MEGF10: variants seen among roughly 807,000 people sequenced by gnomAD.
The protein encoded by MEGF10 is multiple epidermal growth factor-like domains protein 10.
Under a neutral mutation model 147.5 loss-of-function variants are expected in MEGF10, and 86 were observed. The observed-to-expected ratio is 0.58, with a 90% CI of 0.49 to 0.70. The LOEUF (loss-of-function observed/expected upper bound fraction) is 0.70. Ranked by LOEUF, MEGF10 falls within the 30% of genes least tolerant of loss-of-function variation. The pLI is 0.00. For synonymous variants in MEGF10, 478 were observed against 525.5 expected, an observed-to-expected ratio of 0.91 and a Z score of 1.24; for missense variants, 1,329 against 1,487.3, an observed-to-expected ratio of 0.89 and a Z score of 1.75.
chr5:127,421,471 A>G (rs1765000217), intron 12 of MEGF10, among the ~76,000 whole-genome samples: 1 of 152,120 alleles, frequency 6.6e-6, no homozygotes, highest in East Asian at 1.9e-4. Context: ...TGGTGTTGGG[A>G]AGGCTTGTAG....
chr5:127,310,025 T>TTC (rs1760214005), intron 1 of MEGF10, among the ~76,000 whole-genome samples: 1 of 31,082 alleles, frequency 3.2e-5, no homozygotes, highest in African/African-American at 1.0e-4. Flanking sequence ...TTTTTTTCTT[T>TTC]CTTTCTTTCC....
At chr5:127,295,000 G>A (rs186949903) in intron 1 of MEGF10, among the ~76,000 whole-genome samples, 35 of 152,094 alleles carry the variant, frequency 2.3e-4, no homozygotes, top group African/African-American at 7.7e-4. Flanking sequence ...TTGGAATGAC[G>A]TGTCAGAGCA....
At chr5:127,446,574 T>C (rs1243368224) in intron 20 of MEGF10, among the ~76,000 whole-genome samples, 1 of 152,130 alleles carries the variant, frequency 6.6e-6, no homozygotes, top group Non-Finnish European at 1.5e-5. Flanking sequence ...TGAAAAGGAA[T>C]TTGGGGGAAA....
At position 127,454,583 on chromosome 5, in the gene MEGF10, A is replaced by G. The variant is rs1766284145; in HGVS notation, c.2998A>G (p.Arg1000Gly). 1.2e-6 allele frequency: 2 copies of G among 1,609,068 alleles called. No homozygotes were observed. The highest frequency in any genetic ancestry group is 2.7e-5 in the African/African-American group (2 of 74,586). Residue 1000 changes from arginine to glycine, a missense_variant, in exon 23 of 25, where the codon AGA becomes GGA. Physicochemically the swap from Arg to Gly is moderately radical, Grantham distance 125. Coordinates refer to ENST00000503335, the MANE Select transcript of MEGF10 (RefSeq NM_001256545.2). The part of the protein sequence containing the change: ...LNELGAFGLD[R>G]SYMGKSLKDL... ...TATTACAGGTGCTTTTGGACTTGACAGAAGCTATATGGGAAAATCCTTAAA... is the reference window on the plus strand; with the variant it reads ...TATTACAGGTGCTTTTGGACTTGACGGAAGCTATATGGGAAAATCCTTAAA...
At chr5:127,427,843 T>G (rs531054770) in intron 13 of MEGF10, among the ~76,000 whole-genome samples, 1 of 152,312 alleles carries the variant, frequency 6.6e-6, no homozygotes, top group East Asian at 1.9e-4. Context: ...TGAGTTTAAT[T>G]AACATGCCTG....
chr5:127,321,381 T>C (rs1025470141), intron 1 of MEGF10, among the ~76,000 whole-genome samples: 3 of 152,082 alleles, frequency 2.0e-5, no homozygotes, highest in South Asian at 4.2e-4. Flanking sequence ...AATTTCTGTA[T>C]CCTGTTAGAG....
intron 4 of MEGF10, among the ~76,000 whole-genome samples, chr5:127,363,334 A>G (rs970150111): frequency 2.6e-5 from 4 of 152,198 alleles, no homozygotes; most frequent in Non-Finnish European, 5.9e-5. Flanking sequence ...ATGTCATGAT[A>G]AGTCTGGAAG....
At position 127,308,909 on chromosome 5, in the gene MEGF10, A is replaced by T. The variant is rs59060560; in HGVS notation, c.-19+17853A>T. Among the ~76,000 whole-genome samples, 7 of 152,264 alleles carry T rather than the reference A, an allele frequency of 4.6e-5. No individual in the cohort carries two copies. The East Asian group carries it at 1.3e-3, about 29-fold the overall frequency. On this transcript the variant is annotated intron_variant, in intron 1 of 24. Transcript: ENST00000503335. ...ATAAAAGTAAAAATACAAAAAAATT[A>T]AAATAAAAGGTTAAGAGAAAGTTAA...
intron 19 of MEGF10, chr5:127,445,254 A>G: frequency 1.7e-6 from 1 of 578,080 alleles, no homozygotes; most frequent in Non-Finnish European, 3.1e-6. Context: ...TGAGGCTTAC[A>G]GCAGCCTTTC....
At chr5:127,261,684 GT>G in the MEGF10 span, among the ~76,000 whole-genome samples, 1 of 152,126 alleles carries the variant, frequency 6.6e-6, no homozygotes, top group East Asian at 1.9e-4. Context: ...TATACTGATT[GT>G]AAAGCAGCTG....
At chr5:127,453,962 C>T (rs759159056) in intron 22 of MEGF10, among the ~76,000 whole-genome samples, 4 of 152,148 alleles carry the variant, frequency 2.6e-5, no homozygotes, top group Non-Finnish European at 4.4e-5. Flanking sequence ...GAAATAAAGG[C>T]TGGCCATTTT....
intron 13 of MEGF10, 25 bp from the exon 14 acceptor site, chr5:127,433,338 C>T (rs776368526): frequency 3.7e-6 from 6 of 1,614,166 alleles, no homozygotes; most frequent in South Asian, 3.3e-5. Flanking sequence ...TCTCACTCAG[C>T]CTTGCCCCAT....
At chr5:127,272,172 A>G in the MEGF10 span, among the ~76,000 whole-genome samples, 52 of 152,296 alleles carry the variant, frequency 3.4e-4, no homozygotes, top group African/African-American at 1.2e-3. Context: ...TTATGGCACC[A>G]TTTATTAAAT....
chr5:127,300,563 A>T (rs1401770135), intron 1 of MEGF10, among the ~76,000 whole-genome samples: 1 of 152,194 alleles, frequency 6.6e-6, no homozygotes, highest in Admixed American at 6.5e-5. Context: ...TCAGTTTGTG[A>T]AAACTTATTG....
At position 127,309,947 on chromosome 5, in the gene MEGF10, CTCTT is replaced by C. The variant is rs745938777; in HGVS notation, c.-19+18938_-19+18941del. Among the ~76,000 whole-genome samples the C allele has an allele frequency of 3.1e-3, 277 of 90,462 alleles. 1 individual carries two copies. Among genetic ancestry groups the C allele is most frequent in the East Asian group, 0.022 (82 of 3,710 alleles). 59.3% of individuals were successfully genotyped at this position (90,462 alleles called of 152,430 possible). A position where few individuals can be genotyped will look rare whatever the true frequency, so the allele number is the denominator to read the frequency against. The stretch of plus-strand genomic sequence containing the variant: ...TCCAATTTTTCCACATCCTTGCCAA[CTCTT>C]TCTTTCTTTCTTTCTTTCTTTCTTT... On this transcript the variant is annotated intron_variant, in intron 1 of 24. Coordinates refer to ENST00000503335, the MANE Select transcript of MEGF10 (RefSeq NM_001256545.2).
intron 1 of MEGF10, among the ~76,000 whole-genome samples, chr5:127,328,472 A>C (rs1410767649): frequency 2.6e-5 from 4 of 152,222 alleles, no homozygotes; most frequent in Non-Finnish European, 5.9e-5. Context: ...CTGAACTTCC[A>C]AAGCAATGAG....
intron 1 of MEGF10, among the ~76,000 whole-genome samples, chr5:127,293,725 C>T (rs758704969): frequency 6.6e-6 from 1 of 152,176 alleles, no homozygotes; most frequent in East Asian, 1.9e-4. Flanking sequence ...TGGTGAATGT[C>T]AGTGTTACCT....
the MEGF10 span, among the ~76,000 whole-genome samples, chr5:127,239,681 T>C: frequency 6.2e-4 from 94 of 152,082 alleles, no homozygotes; most frequent in African/African-American, 2.3e-3. Context: ...TCAGGCAAGA[T>C]TAGGCCAGCA....
chr5:127,253,611 C>G, the MEGF10 span, among the ~76,000 whole-genome samples: 1 of 151,916 alleles, frequency 6.6e-6, no homozygotes, highest in Admixed American at 6.6e-5. Flanking sequence ...GGCATTTGGT[C>G]AGGTGTCAAG....
Sources: gnomAD v4.1 joint callset for allele counts (sites outside exome capture counted in the v4.1 genomes callset) on GRCh38, gnomAD v4.1.1 for gene constraint, MANE v1.5 for transcripts, NCBI Gene and HGNC (gene_info 2026-07-23, HGNC 2026-07-21) for gene names.